The following RCOR1 variants were observed in gnomAD, a reference collection of about 807,000 sequenced individuals.
The protein encoded by RCOR1 is REST corepressor.
RCOR1 carries 12 observed loss-of-function variants against 64.0 expected under a neutral mutation model. The ratio of observed to expected loss-of-function variants is 0.19; its 90% CI spans 0.12 to 0.30. RCOR1 has a LOEUF of 0.30. Ranked by LOEUF, RCOR1 falls within the 10% of genes least tolerant of loss-of-function variation. The probability of loss-of-function intolerance (pLI) is 1.00; values close to 1 mark genes in which losing one functional copy is unlikely to be tolerated. For synonymous variants in RCOR1, 279 were observed against 227.2 expected (o/e 1.23, Z -2.05); for missense variants, 502 against 621.2 (o/e 0.81, Z 2.04).
intron 2 of RCOR1, among the ~76,000 whole-genome samples, chr14:102,659,680 G>C (rs900470892): frequency 6.6e-6 from 1 of 152,182 alleles, no homozygotes; most frequent in Non-Finnish European, 1.5e-5. Flanking sequence ...TGAATTTGGG[G>C]TGACTTCTTG....
In RCOR1 at chr14:102,727,581, G is replaced by C. The variant is rs990373633; in HGVS notation, c.*1075G>C. 1 of 152,082 alleles carries C rather than the reference G, an allele frequency of 6.6e-6. No homozygotes were observed. The highest frequency in any genetic ancestry group is 6.5e-5 in the Admixed American group (1 of 15,268). 9.4% of individuals were successfully genotyped at this position (152,082 alleles called of 1,614,324 possible). ...GTTCCGCGTTCTCTCGGTGTGCCTG[G>C]CCTTTTATGTGGCACTCTGTATGTC... On this transcript the variant is annotated 3_prime_UTR_variant, in exon 12 of 12. Transcript: ENST00000262241.
At chr14:102,651,529 G>A (rs1286443568) in intron 2 of RCOR1, among the ~76,000 whole-genome samples, 4 of 151,400 alleles carry the variant, frequency 2.6e-5, no homozygotes, top group Middle Eastern at 3.4e-3. Context: ...CTCTAGCCTG[G>A]GCAACAGAGT....
chr14:102,630,092 C>CAACACTGGAGATCAA, intron 2 of RCOR1: 1 of 693,258 alleles, frequency 1.4e-6, no homozygotes, highest in Non-Finnish European at 1.8e-6. Context: ...ATTTGATCTC[C>CAACACTGGAGATCAA]AGTGTTGGAG....
At chr14:102,705,420 TTAAAA>T (rs1401024450) in intron 4 of RCOR1, among the ~76,000 whole-genome samples, 3 of 152,210 alleles carry the variant, frequency 2.0e-5, no homozygotes, top group East Asian at 3.9e-4. Context: ...AATGTGCAAC[TTAAAA>T]TAAATAAAAG....
At chr14:102,692,440 AACACACAC>A (rs10622844) in intron 3 of RCOR1, among the ~76,000 whole-genome samples, 3,182 of 146,328 alleles carry the variant, frequency 0.022, 113 homozygotes, top group African/African-American at 0.076. Flanking sequence ...GGAAAAAGTT[AACACACAC>A]ACACACACAC....
At chr14:102,675,829 C>A (rs1458872375) in intron 2 of RCOR1, among the ~76,000 whole-genome samples, 1 of 152,136 alleles carries the variant, frequency 6.6e-6, no homozygotes, top group Non-Finnish European at 1.5e-5. Flanking sequence ...ATTCATTATC[C>A]CTGTACTTTT....
intron 2 of RCOR1, among the ~76,000 whole-genome samples, chr14:102,616,446 T>A (rs559402489): frequency 6.6e-6 from 1 of 152,144 alleles, no homozygotes; most frequent in South Asian, 2.1e-4. Context: ...ATTAAATTTT[T>A]TTTTGGTAGA....
chr14:102,643,713 C>G (rs1189884987), intron 2 of RCOR1, among the ~76,000 whole-genome samples: 2 of 152,166 alleles, frequency 1.3e-5, no homozygotes, highest in Non-Finnish European at 2.9e-5. Flanking sequence ...GACAAGTTTA[C>G]TTTTGGTAGA....
In RCOR1 at chr14:102,615,044, G is replaced by C. The variant is rs563201469; in HGVS notation, c.361+21719G>C. Reference sequence around the variant, plus strand: ...GACGGGGTTTCACCATGTTGGCCAGGATGGTCTCGATCTCTTGACCTCGTG... The same window carrying C: ...GACGGGGTTTCACCATGTTGGCCAGCATGGTCTCGATCTCTTGACCTCGTG... On this transcript the variant is annotated intron_variant, in intron 2 of 11. Transcript: ENST00000262241. Among the ~76,000 whole-genome samples the C allele has an allele frequency of 1.1e-4, 17 of 151,672 alleles. 1 individual carries two copies. The highest frequency in any genetic ancestry group is 1.0e-3 in the Admixed American group (16 of 15,242).
intron 2 of RCOR1, chr14:102,655,196 A>G: frequency 2.1e-6 from 2 of 947,140 alleles, no homozygotes; most frequent in Non-Finnish European, 2.5e-6. Flanking sequence ...AAATTAAAAG[A>G]TGCAAAAGGG....
intron 2 of RCOR1, among the ~76,000 whole-genome samples, chr14:102,673,740 C>G (rs1595223368): frequency 6.6e-6 from 1 of 152,032 alleles, no homozygotes; most frequent in African/African-American, 2.4e-5. Context: ...CTCAGCCTCC[C>G]AAGTAGCTGG....
chr14:102,723,732 C>T (rs1896208723), intron 11 of RCOR1, among the ~76,000 whole-genome samples: 1 of 152,206 alleles, frequency 6.6e-6, no homozygotes, highest in Non-Finnish European at 1.5e-5. Flanking sequence ...CATTGAAAAG[C>T]TGGAGACTGC....
chr14:102,683,465 C>T (rs1454548742), intron 3 of RCOR1, among the ~76,000 whole-genome samples: 1 of 152,210 alleles, frequency 6.6e-6, no homozygotes, highest in Admixed American at 6.5e-5. Context: ...AGAGGTGGAG[C>T]ACGGAAAAGA....
chr14:102,681,247 A>T (rs56077850), intron 2 of RCOR1, among the ~76,000 whole-genome samples: 1 of 152,182 alleles, frequency 6.6e-6, no homozygotes, highest in Non-Finnish European at 1.5e-5. Context: ...TTTAGAATGA[A>T]TAAGTCTGGG....
chr14:102,596,717 A>G (rs1893257733), intron 2 of RCOR1, among the ~76,000 whole-genome samples: 2 of 151,444 alleles, frequency 1.3e-5, no homozygotes, highest in Admixed American at 1.3e-4. Context: ...GGTGCCCACC[A>G]CCACGCCCAA....
chr14:102,655,633 C>A, intron 2 of RCOR1: 1 of 406,882 alleles, frequency 2.5e-6, no homozygotes, highest in Non-Finnish European at 3.3e-6. Context: ...CCCTATCTCC[C>A]ACTGGTTGTA....
chr14:102,597,442 C>T (rs2139875507), intron 2 of RCOR1, among the ~76,000 whole-genome samples: 1 of 151,746 alleles, frequency 6.6e-6, no homozygotes, highest in South Asian at 2.1e-4. Flanking sequence ...GATCCTCCTG[C>T]TGCAGCCTCC....
chr14:102,713,668 T>C (rs1281212678), intron 7 of RCOR1, among the ~76,000 whole-genome samples: 1 of 152,226 alleles, frequency 6.6e-6, no homozygotes, highest in African/African-American at 2.4e-5. Context: ...CGTAGTCCCA[T>C]ACACAGCAGT....
intron 5 of RCOR1, 26 bp from the exon 6 acceptor site, chr14:102,708,439 T>G (rs1353495072): frequency 7.9e-7 from 1 of 1,258,058 alleles, no homozygotes; most frequent in African/African-American, 1.5e-5. Flanking sequence ...TTTATTTAAA[T>G]AAACCAACTC....
Sources: allele counts gnomAD v4.1 joint callset (sites outside exome capture counted in the v4.1 genomes callset), GRCh38; gene constraint gnomAD v4.1.1; transcripts MANE v1.5; gene names NCBI Gene and HGNC (gene_info 2026-07-23, HGNC 2026-07-21).